The following TNFAIP8 variants were observed in gnomAD, a reference collection of about 807,000 sequenced individuals.
TNFAIP8 encodes TNF alpha induced protein 8.
TNFAIP8 carries 7 observed loss-of-function variants against 13.3 expected under a neutral mutation model. That is an observed-to-expected ratio of 0.52 (90% confidence interval 0.30 to 0.99). The LOEUF is 0.99. Among genes scored for constraint, TNFAIP8 ranks in the 50% least tolerant of loss-of-function variants. The pLI is 0.07. For synonymous variants in TNFAIP8, 94 were observed against 87.6 expected, an observed-to-expected ratio of 1.07 and a Z score of -0.41; for missense variants, 258 against 236.9, an observed-to-expected ratio of 1.09 and a Z score of -0.58.
At chr5:119,373,409 C>A (rs1001118314) in intron 1 of TNFAIP8, among the ~76,000 whole-genome samples, 2 of 152,124 alleles carry the variant, frequency 1.3e-5, no homozygotes, top group Non-Finnish European at 2.9e-5. Context: ...TCAAAACTTT[C>A]CTCACCGGGA....
At chr5:119,347,819 C>T (rs904906207) in intron 1 of TNFAIP8, among the ~76,000 whole-genome samples, 2 of 152,172 alleles carry the variant, frequency 1.3e-5, no homozygotes, top group African/African-American at 4.8e-5. Context: ...AACTGCAAGC[C>T]TATGTCAGCC....
At chr5:119,334,351 A>T (rs1373795162) in intron 1 of TNFAIP8, among the ~76,000 whole-genome samples, 1 of 152,106 alleles carries the variant, frequency 6.6e-6, no homozygotes, top group African/African-American at 2.4e-5. Context: ...GTTCAAGTTG[A>T]TATATAATAT....
At chr5:119,333,902 CAG>C (rs1477625287) in intron 1 of TNFAIP8, among the ~76,000 whole-genome samples, 1 of 152,056 alleles carries the variant, frequency 6.6e-6, no homozygotes, top group Non-Finnish European at 1.5e-5. Flanking sequence ...CATTTGTAAA[CAG>C]ATAAAGATTT....
rs139849596 is a variant in TNFAIP8 at position 119,371,493 on chromosome 5, C to G, written c.31+15372C>G. ...CCTCACCGTTCTTTTCCAAGCATAA[C>G]TGCTAGACTGGATGGCATAAATTAA... On this transcript the variant is annotated intron_variant, in intron 1 of 1. Transcript: ENST00000504771. Among the ~76,000 whole-genome samples, 136 of 152,250 alleles carry G rather than the reference C, an allele frequency of 8.9e-4. 1 individual carries two copies. The highest frequency in any genetic ancestry group is 3.2e-3 in the African/African-American group (132 of 41,558).
rs558203817 is a variant in TNFAIP8 at position 119,280,116 on chromosome 5, C to T, written c.1+11209C>T. Among the ~76,000 whole-genome samples the T allele has an allele frequency of 2.6e-5, 4 of 152,224 alleles. No individual in the cohort carries two copies. In the East Asian group the frequency reaches 7.7e-4, roughly 29 times the overall value. ...ATGTACACAACTTAGTGAATTATTA[C>T]AAAGCAAACACCCATATATATCACT... On this transcript the variant is annotated intron_variant, in intron 1 of 1. Transcript: ENST00000274456.
chr5:119,287,413 A>G (rs758329396), intron 1 of TNFAIP8, among the ~76,000 whole-genome samples: 1 of 151,608 alleles, frequency 6.6e-6, no homozygotes, highest in Non-Finnish European at 1.5e-5. Context: ...AAGTTAATTA[A>G]CACATCCTTC....
chr5:119,340,693 T>C (rs928174457), intron 1 of TNFAIP8, among the ~76,000 whole-genome samples: 2 of 152,152 alleles, frequency 1.3e-5, no homozygotes, highest in African/African-American at 4.8e-5. Context: ...GTGGGGACTT[T>C]GGTCCTCCAT....
Position 119,385,997 on chromosome 5 carries a change from G to C in TNFAIP8, c.32-6819G>C, listed in dbSNP as rs78036136. On this transcript the variant is annotated intron_variant, in intron 1 of 1. Coordinates refer to ENST00000504771, the MANE Select transcript of TNFAIP8 (RefSeq NM_014350.4). ...CGAGTACCAGTAATATCCCTGAGCA[G>C]TGTGGCAGTTCATGGAACCATTAGC... 3.1e-3 allele frequency among the ~76,000 whole-genome samples: 469 copies of C among 152,286 alleles called. 4 individuals carry two copies. The highest frequency in any genetic ancestry group is 0.024 in the East Asian group (125 of 5,182).
At chr5:119,332,346 G>A (rs952657298) in intron 1 of TNFAIP8, among the ~76,000 whole-genome samples, 5 of 152,100 alleles carry the variant, frequency 3.3e-5, no homozygotes, top group Admixed American at 6.6e-5. Flanking sequence ...CTCATCTTAC[G>A]GAAGTGCAAA....
At chr5:119,296,556 A>C (rs187930426) in intron 1 of TNFAIP8, among the ~76,000 whole-genome samples, 2 of 152,144 alleles carry the variant, frequency 1.3e-5, no homozygotes, top group Non-Finnish European at 2.9e-5. Context: ...TTTTGCATCA[A>C]TGTTCATCAA....
At chr5:119,340,337 C>T (rs1382640411) in intron 1 of TNFAIP8, among the ~76,000 whole-genome samples, 7 of 152,222 alleles carry the variant, frequency 4.6e-5, no homozygotes, top group African/African-American at 1.7e-4. Flanking sequence ...AGCTAGACTG[C>T]CCATGTGGGT....
chr5:119,296,924 G>A (rs1056130912), intron 1 of TNFAIP8, among the ~76,000 whole-genome samples: 3 of 151,948 alleles, frequency 2.0e-5, no homozygotes, highest in Non-Finnish European at 4.4e-5. Context: ...AGAGGTGTTT[G>A]TAGTATTCTC....
At chr5:119,309,134 C>A (rs1012612102) in intron 1 of TNFAIP8, among the ~76,000 whole-genome samples, 9 of 152,198 alleles carry the variant, frequency 5.9e-5, no homozygotes, top group Non-Finnish European at 1.0e-4. Flanking sequence ...TCTACTCAAA[C>A]CACAACTTCC....
chr5:119,326,027 G>C (rs536571100), intron 1 of TNFAIP8, among the ~76,000 whole-genome samples: 1 of 152,132 alleles, frequency 6.6e-6, no homozygotes, highest in Non-Finnish European at 1.5e-5. Context: ...GTCTGCTGCC[G>C]CTTTTTCCCA....
intron 1 of TNFAIP8, among the ~76,000 whole-genome samples, chr5:119,377,324 G>A (rs1004147363): frequency 2.0e-5 from 3 of 151,838 alleles, no homozygotes; most frequent in South Asian, 2.1e-4. Context: ...GATCACTTGA[G>A]CTTAGGAGGT....
chr5:119,287,925 G>A (rs1267967081), intron 1 of TNFAIP8, among the ~76,000 whole-genome samples: 1 of 152,170 alleles, frequency 6.6e-6, no homozygotes, highest in African/African-American at 2.4e-5. Context: ...AGACCAGGCA[G>A]GCATCTTATC....
intron 1 of TNFAIP8, among the ~76,000 whole-genome samples, chr5:119,312,743 T>TACAAAAAAAAAAAA (rs1749772127): frequency 5.1e-5 from 1 of 19,762 alleles, no homozygotes; most frequent in Non-Finnish European, 1.1e-4. Flanking sequence ...CTGCAAAAAA[T>TACAAAAAAAAAAAA]ACAAAAAAAA....
upstream of TNFAIP8, among the ~76,000 whole-genome samples, chr5:119,353,124 A>G (rs909266088): frequency 2.6e-5 from 4 of 152,190 alleles, no homozygotes; most frequent in African/African-American, 7.2e-5. Flanking sequence ...GCGGGCGGTA[A>G]TAGTTTGTTG....
intron 1 of TNFAIP8, among the ~76,000 whole-genome samples, chr5:119,349,741 G>C (rs1019301670): frequency 6.6e-6 from 1 of 152,218 alleles, no homozygotes; most frequent in Non-Finnish European, 1.5e-5. Context: ...TGAATATCAG[G>C]AATTGAATGG....
Sources: gnomAD v4.1 joint callset for allele counts (sites outside exome capture counted in the v4.1 genomes callset) on GRCh38, gnomAD v4.1.1 for gene constraint, MANE v1.5 for transcripts, NCBI Gene and HGNC (gene_info 2026-07-23, HGNC 2026-07-21) for gene names.